The following RARB variants were observed in gnomAD, a reference collection of about 807,000 sequenced individuals.
RARB encodes retinoic acid receptor beta.
In RARB, 17 loss-of-function variants were observed where a neutral mutation model predicts 51.9. The observed-to-expected ratio is 0.33, with a 90% CI of 0.22 to 0.49. RARB has a LOEUF of 0.49. Among genes scored for constraint, RARB ranks in the 20% least tolerant of loss-of-function variants. The pLI, the probability that RARB is intolerant of heterozygous loss-of-function variation, is 0.99. For synonymous variants in RARB, 215 were observed against 195.4 expected (o/e 1.10, Z -0.84); for missense variants, 369 against 550.8 (o/e 0.67, Z 3.30).
At chr3:25,289,710 C>G (rs1183745469) in intron 5 of RARB, among the ~76,000 whole-genome samples, 1 of 151,930 alleles carries the variant, frequency 6.6e-6, no homozygotes, top group African/African-American at 2.4e-5. Flanking sequence ...ATGTTTATAG[C>G]ATAATAAAGG....
At chr3:25,032,506 T>C (rs1697897401) in intron 2 of RARB, among the ~76,000 whole-genome samples, 2 of 152,174 alleles carry the variant, frequency 1.3e-5, no homozygotes, top group African/African-American at 4.8e-5. Flanking sequence ...GGATCTGAAG[T>C]GAAGCAGAGA....
chr3:24,907,284 C>T (rs1559391069), intron 2 of RARB, among the ~76,000 whole-genome samples: 1 of 152,150 alleles, frequency 6.6e-6, no homozygotes, highest in Non-Finnish European at 1.5e-5. Context: ...CTCCAGTGAT[C>T]TGATGTAATA....
intron 5 of RARB, among the ~76,000 whole-genome samples, chr3:25,228,279 C>T (rs1559513905): frequency 7.4e-6 from 1 of 135,994 alleles, no homozygotes; most frequent in Non-Finnish European, 1.5e-5. Flanking sequence ...GGATACTCTA[C>T]TCTTTGTTTG....
intron 2 of RARB, among the ~76,000 whole-genome samples, chr3:25,009,693 G>A (rs1697353363): frequency 6.6e-6 from 1 of 152,144 alleles, no homozygotes; most frequent in Non-Finnish European, 1.5e-5. Context: ...TACCACAGCT[G>A]ACCTTTGCTC....
intron 1 of RARB, among the ~76,000 whole-genome samples, chr3:24,839,333 T>G (rs1424472359): frequency 6.6e-6 from 1 of 152,122 alleles, no homozygotes; most frequent in Non-Finnish European, 1.5e-5. Flanking sequence ...TCTTGATTTA[T>G]ACTTTTTAGG....
chr3:25,402,001 C>A (rs778984386), intron 5 of RARB, among the ~76,000 whole-genome samples: 1 of 152,106 alleles, frequency 6.6e-6, no homozygotes, highest in Non-Finnish European at 1.5e-5. Context: ...GTCTCAAACT[C>A]CTGACCTCAA....
chr3:25,230,533 A>AT (rs1481748383), intron 5 of RARB, among the ~76,000 whole-genome samples: 1 of 152,020 alleles, frequency 6.6e-6, no homozygotes, highest in Non-Finnish European at 1.5e-5. Flanking sequence ...GGTAGGTTAT[A>AT]TTTTCCCACT....
intron 2 of RARB, among the ~76,000 whole-genome samples, chr3:24,908,648 G>A (rs1694920762): frequency 7.3e-6 from 1 of 137,210 alleles, no homozygotes; most frequent in Admixed American, 7.7e-5. Flanking sequence ...TGTAATTCTT[G>A]AGGTAACCAC....
At chr3:25,222,754 A>G (rs1342465415) in intron 5 of RARB, among the ~76,000 whole-genome samples, 1 of 152,200 alleles carries the variant, frequency 6.6e-6, no homozygotes, top group African/African-American at 2.4e-5. Flanking sequence ...CTTTGCCTGC[A>G]ATGGTAATAA....
intron 2 of RARB, among the ~76,000 whole-genome samples, chr3:25,058,599 A>T (rs1255918749): frequency 6.6e-6 from 1 of 151,764 alleles, no homozygotes; most frequent in Admixed American, 6.6e-5. Flanking sequence ...CTTTGAAATT[A>T]AAAAAATCCA....
Position 25,170,563 on chromosome 3 carries a change from T to C in RARB, c.-279-3556T>C, listed in dbSNP as rs530904813. On this transcript the variant is annotated intron_variant, in intron 4 of 11. Transcript: ENST00000383772. ...AAAGAAACTATTTGACTTTTAAAAA[T>C]CGTGTTGTAAGTATTATGTTTATAA... Among the ~76,000 whole-genome samples, 7 of 152,296 alleles carry C rather than the reference T, an allele frequency of 4.6e-5. No homozygotes were observed. In the East Asian group the frequency reaches 1.3e-3, roughly 29 times the overall value.
intron 5 of RARB, among the ~76,000 whole-genome samples, chr3:25,338,781 G>A (rs1559363238): frequency 1.3e-5 from 2 of 152,092 alleles, no homozygotes; most frequent in South Asian, 4.1e-4. Context: ...AACTCTAATG[G>A]TTATTAAAAT....
chr3:25,586,124 G>C (rs1297986093), intron 5 of RARB, among the ~76,000 whole-genome samples: 2 of 152,106 alleles, frequency 1.3e-5, no homozygotes, highest in African/African-American at 2.4e-5. Context: ...CCTCAGTCAA[G>C]CTCTTTCCTG....
intron 3 of RARB, among the ~76,000 whole-genome samples, chr3:25,503,141 A>G (rs966106355): frequency 2.0e-5 from 3 of 152,190 alleles, no homozygotes; most frequent in South Asian, 4.1e-4. Context: ...CAAATTTTAG[A>G]GCCATTGAGT....
chr3:25,197,116 G>T (rs1157465772), intron 5 of RARB, among the ~76,000 whole-genome samples: 1 of 151,974 alleles, frequency 6.6e-6, no homozygotes, highest in Non-Finnish European at 1.5e-5. Context: ...CATTGCTTTT[G>T]GTGTTTTAGA....
At chr3:24,839,870 G>T (rs956244274) in intron 1 of RARB, among the ~76,000 whole-genome samples, 1 of 152,162 alleles carries the variant, frequency 6.6e-6, no homozygotes, top group African/African-American at 2.4e-5. Flanking sequence ...GAATCGAAGT[G>T]CATGAAGAGG....
At chr3:25,347,306 G>A (rs1005382565) in intron 5 of RARB, among the ~76,000 whole-genome samples, 8 of 152,192 alleles carry the variant, frequency 5.3e-5, no homozygotes, top group African/African-American at 1.9e-4. Flanking sequence ...GTGAAAAATG[G>A]ATGAGGCTTT....
intron 1 of RARB, among the ~76,000 whole-genome samples, chr3:24,837,283 T>G (rs1446262822): frequency 6.6e-6 from 1 of 152,202 alleles, no homozygotes; most frequent in Non-Finnish European, 1.5e-5. Context: ...TAAACAGTCT[T>G]GTGTTGAATG....
At chr3:25,327,029 C>G (rs1344464882) in intron 5 of RARB, among the ~76,000 whole-genome samples, 1 of 152,018 alleles carries the variant, frequency 6.6e-6, no homozygotes, top group Non-Finnish European at 1.5e-5. Context: ...GTGATGTTCC[C>G]CTTCCTGTGT....
Sources: gnomAD v4.1 joint callset for allele counts (sites outside exome capture counted in the v4.1 genomes callset) on GRCh38, gnomAD v4.1.1 for gene constraint, MANE v1.5 for transcripts, NCBI Gene and HGNC (gene_info 2026-07-23, HGNC 2026-07-21) for gene names.